The following CALN1 variants were observed in gnomAD, a reference collection of about 807,000 sequenced individuals.
CALN1 encodes calcium-binding protein 8.
Under a neutral mutation model 30.6 loss-of-function variants are expected in CALN1, and 17 were observed. That is an observed-to-expected ratio of 0.56 (90% CI 0.38 to 0.83). The LOEUF is 0.83. CALN1 is among the 40% of genes least tolerant of loss of function. The pLI is 0.00. For missense variants in CALN1, 291 were observed against 354.9 expected (o/e 0.82, Z 1.45); for synonymous variants, 156 against 131.4 (o/e 1.19, Z -1.28).
intron 5 of CALN1, among the ~76,000 whole-genome samples, chr7:71,958,147 T>C (rs1179787869): frequency 1.3e-5 from 2 of 151,176 alleles, no homozygotes; most frequent in Non-Finnish European, 3.0e-5. Flanking sequence ...ATCTCTTACA[T>C]GGTATATTCC....
At chr7:72,407,782 C>A (rs1431327861) in intron 1 of CALN1, among the ~76,000 whole-genome samples, 5 of 152,144 alleles carry the variant, frequency 3.3e-5, no homozygotes, top group African/African-American at 1.2e-4. Flanking sequence ...AGCTTCTCAG[C>A]TCAGATGGGC....
intron 4 of CALN1, among the ~76,000 whole-genome samples, chr7:72,038,511 T>C (rs1302700996): frequency 6.6e-6 from 1 of 152,026 alleles, no homozygotes; most frequent in Non-Finnish European, 1.5e-5. Context: ...AGAGTGCTAG[T>C]GTCAGAGGTG....
chr7:72,171,722 T>C (rs934576685), intron 3 of CALN1, among the ~76,000 whole-genome samples: 7 of 152,204 alleles, frequency 4.6e-5, no homozygotes, highest in African/African-American at 1.7e-4. Context: ...TATTTTTAGC[T>C]TGAAAATAAT....
At chr7:72,131,960 C>T (rs1182831342) in intron 3 of CALN1, among the ~76,000 whole-genome samples, 1 of 152,182 alleles carries the variant, frequency 6.6e-6, no homozygotes, top group Non-Finnish European at 1.5e-5. Flanking sequence ...TCTGCATTAT[C>T]CTCTTCAAAC....
At chr7:71,981,892 T>C (rs1487006201) in intron 5 of CALN1, among the ~76,000 whole-genome samples, 1 of 152,046 alleles carries the variant, frequency 6.6e-6, no homozygotes, top group Non-Finnish European at 1.5e-5. Context: ...GTTGTGGTGG[T>C]GGTGGTACGA....
At chr7:72,378,715 A>G (rs77281576) in intron 2 of CALN1, among the ~76,000 whole-genome samples, 2,051 of 152,114 alleles carry the variant, frequency 0.013, 60 homozygotes, top group African/African-American at 0.047. Flanking sequence ...CGGAATCTCA[A>G]AATACAAATA....
chr7:71,987,031 C>G (rs985783412), intron 5 of CALN1, among the ~76,000 whole-genome samples: 10 of 151,674 alleles, frequency 6.6e-5, no homozygotes, highest in African/African-American at 2.2e-4. Flanking sequence ...GAGGTGGAGG[C>G]AGGAGAATCA....
At chr7:72,185,625 C>T (rs1790132888) in intron 3 of CALN1, among the ~76,000 whole-genome samples, 1 of 152,188 alleles carries the variant, frequency 6.6e-6, no homozygotes, top group Middle Eastern at 3.2e-3. Flanking sequence ...TCTGTGTCCC[C>T]ACCCAAATCT....
chr7:72,481,528 CT>C, the CALN1 span, among the ~76,000 whole-genome samples: 3 of 151,988 alleles, frequency 2.0e-5, no homozygotes, highest in Non-Finnish European at 4.4e-5. Flanking sequence ...TTATTTTGCT[CT>C]TCATTTTCTA....
intron 5 of CALN1, among the ~76,000 whole-genome samples, chr7:71,944,015 C>T (rs1420501085): frequency 2.6e-5 from 4 of 152,130 alleles, no homozygotes; most frequent in Non-Finnish European, 5.9e-5. Context: ...CCTGACATTC[C>T]CCAAATCTGC....
chr7:72,217,768 A>G (rs890916913), intron 3 of CALN1, among the ~76,000 whole-genome samples: 2 of 151,474 alleles, frequency 1.3e-5, no homozygotes, highest in Admixed American at 6.6e-5. Context: ...GCTTGAGGCC[A>G]GAAGTTCGAG....
chr7:72,490,403 G>C, the CALN1 span, among the ~76,000 whole-genome samples: 1 of 152,128 alleles, frequency 6.6e-6, no homozygotes, highest in Non-Finnish European at 1.5e-5. Flanking sequence ...AGGCAGACGC[G>C]GATTTTCATC....
intron 2 of CALN1, among the ~76,000 whole-genome samples, chr7:72,322,235 G>T (rs747809648): frequency 6.6e-6 from 1 of 152,156 alleles, no homozygotes; most frequent in Non-Finnish European, 1.5e-5. Flanking sequence ...TTGCAACCTA[G>T]ATCCCTTGCA....
intron 5 of CALN1, among the ~76,000 whole-genome samples, chr7:71,944,068 G>C (rs563528829): frequency 2.6e-5 from 4 of 152,166 alleles, no homozygotes; most frequent in Non-Finnish European, 5.9e-5. Flanking sequence ...CCCAGGTTAT[G>C]AATCTAGTCA....
chr7:72,093,093 G>GA (rs1291297106), intron 4 of CALN1, among the ~76,000 whole-genome samples: 2 of 151,902 alleles, frequency 1.3e-5, no homozygotes, highest in Non-Finnish European at 2.9e-5. Context: ...CTGCAAAGGG[G>GA]AAAAAAATGG....
At chr7:72,484,698 T>C in the CALN1 span, among the ~76,000 whole-genome samples, 1 of 152,150 alleles carries the variant, frequency 6.6e-6, no homozygotes, top group Non-Finnish European at 1.5e-5. Flanking sequence ...ATGTCAGCTA[T>C]CTCTTCTCAA....
Position 72,039,206 on chromosome 7 carries a change from G to A in CALN1, c.389-15437C>T, listed in dbSNP as rs1051232806. On this transcript the variant is annotated intron_variant, in intron 4 of 6. Coordinates refer to ENST00000395275, the MANE Select transcript of CALN1 (RefSeq NM_031468.4). ...AATTAAACAGTGAATTCAGTTGTTC[G>A]TATCTAGCCAGATGAACTCATCAAG... is the stretch of plus-strand genomic sequence containing the variant. Among the ~76,000 whole-genome samples the A allele has an allele frequency of 5.3e-5, 8 of 152,284 alleles. No homozygotes were observed. In the East Asian group the frequency reaches 7.7e-4, roughly 15 times the overall value.
At chr7:71,949,436 T>G (rs1796576540) in intron 5 of CALN1, among the ~76,000 whole-genome samples, 1 of 152,178 alleles carries the variant, frequency 6.6e-6, no homozygotes, top group Non-Finnish European at 1.5e-5. Context: ...CAGACTGGAG[T>G]GCAGTGGTGT....
intron 5 of CALN1, among the ~76,000 whole-genome samples, chr7:71,915,454 C>T (rs1562896703): frequency 1.3e-5 from 2 of 152,172 alleles, no homozygotes; most frequent in African/African-American, 4.8e-5. Context: ...CCAATCTGGG[C>T]CAGGCACAGT....
Sources: gnomAD v4.1 joint callset for allele counts (sites outside exome capture counted in the v4.1 genomes callset) on GRCh38, gnomAD v4.1.1 for gene constraint, MANE v1.5 for transcripts, NCBI Gene and HGNC (gene_info 2026-07-23, HGNC 2026-07-21) for gene names.